Variants in BMAL1 observed in about 807,000 individuals in gnomAD.
The protein encoded by BMAL1 is basic helix-loop-helix ARNT-like protein 1.
At chr11:13,368,343 G>A in the BMAL1 span, among the ~76,000 whole-genome samples, 1 of 152,258 alleles carries the variant, frequency 6.6e-6, no homozygotes, top group Non-Finnish European at 1.5e-5. Flanking sequence ...GCCAGGTAAT[G>A]AAGGGAGGAA....
At chr11:13,362,768 C>T in the BMAL1 span, among the ~76,000 whole-genome samples, 2 of 152,152 alleles carry the variant, frequency 1.3e-5, no homozygotes, top group African/African-American at 2.4e-5. Context: ...GAGCTGCCGT[C>T]GGTGCCAGCT....
the BMAL1 span, chr11:13,366,607 G>A: frequency 1.4e-6 from 2 of 1,440,134 alleles, no homozygotes; most frequent in Non-Finnish European, 1.9e-6. Flanking sequence ...CTTACTTGTT[G>A]CATAATTGAT....
At chr11:13,311,453 T>G in the BMAL1 span, among the ~76,000 whole-genome samples, 1 of 152,110 alleles carries the variant, frequency 6.6e-6, no homozygotes, top group Non-Finnish European at 1.5e-5. Flanking sequence ...TGACAAGGTC[T>G]TTGCAGATGG....
At chr11:13,353,649 C>G in the BMAL1 span, 3 of 152,206 alleles carry the variant, frequency 2.0e-5, no homozygotes, top group African/African-American at 7.2e-5. Flanking sequence ...GAAACCCCAT[C>G]TCTACTAAAA....
At chr11:13,354,606 C>A in the BMAL1 span, 1 of 972,534 alleles carries the variant, frequency 1.0e-6, no homozygotes, top group Non-Finnish European at 1.5e-6. Flanking sequence ...GCTTTACCTT[C>A]CCCTAGTTTG....
At chr11:13,383,059 T>G in the BMAL1 span, among the ~76,000 whole-genome samples, 1 of 152,296 alleles carries the variant, frequency 6.6e-6, no homozygotes, top group Admixed American at 6.5e-5. Context: ...GAAAAGCAGC[T>G]TAAACAAGAC....
At chr11:13,325,021 G>T in the BMAL1 span, among the ~76,000 whole-genome samples, 2 of 152,338 alleles carry the variant, frequency 1.3e-5, no homozygotes, top group Non-Finnish European at 2.9e-5. Flanking sequence ...TGTGGGGATG[G>T]AGAAGAGGGG....
At chr11:13,355,310 GA>G in the BMAL1 span, 3 of 1,613,346 alleles carry the variant, frequency 1.9e-6, no homozygotes, top group African/African-American at 4.0e-5. Context: ...AGTTATCCCA[GA>G]TGATTAAGAC....
the BMAL1 span, among the ~76,000 whole-genome samples, chr11:13,333,437 T>A: frequency 6.6e-6 from 1 of 152,232 alleles, no homozygotes; most frequent in Admixed American, 6.5e-5. Context: ...CACCACCAGA[T>A]GTGGTTCTGA....
At chr11:13,290,957 TC>T in the BMAL1 span, among the ~76,000 whole-genome samples, 2 of 152,206 alleles carry the variant, frequency 1.3e-5, no homozygotes, top group African/African-American at 4.8e-5. Flanking sequence ...TCTTTTTTCT[TC>T]ATAGCTTATG....
At chr11:13,374,299 TAG>T in the BMAL1 span, 28 of 1,121,514 alleles carry the variant, frequency 2.5e-5, no homozygotes, top group Non-Finnish European at 3.0e-5. Context: ...ACTGAGGATG[TAG>T]AGTCAGCCAG....
chr11:13,370,964 T>G, the BMAL1 span, among the ~76,000 whole-genome samples: 2 of 152,230 alleles, frequency 1.3e-5, no homozygotes, highest in Non-Finnish European at 2.9e-5. Flanking sequence ...ATGAACTCCC[T>G]TCACATGGCT....
the BMAL1 span, among the ~76,000 whole-genome samples, chr11:13,310,637 A>C: frequency 3.3e-5 from 5 of 152,190 alleles, no homozygotes; most frequent in East Asian, 9.6e-4. Flanking sequence ...AAGCAGCCAT[A>C]GATAATATGG....
chr11:13,348,562 G>A, the BMAL1 span, among the ~76,000 whole-genome samples: 1 of 152,114 alleles, frequency 6.6e-6, no homozygotes. Context: ...CCCAGGGTAG[G>A]TTCTGGGTTG....
the BMAL1 span, among the ~76,000 whole-genome samples, chr11:13,340,092 A>C: frequency 6.6e-6 from 1 of 152,334 alleles, no homozygotes; most frequent in South Asian, 2.1e-4. Context: ...CAAATTACCA[A>C]TTCTTTCACT....
At chr11:13,371,281 T>C in the BMAL1 span, among the ~76,000 whole-genome samples, 5 of 152,314 alleles carry the variant, frequency 3.3e-5, no homozygotes, top group Admixed American at 1.3e-4. Context: ...TCTAGTCTGT[T>C]TTCTTTCTTC....
chr11:13,356,375 T>G, the BMAL1 span: 2 of 500,102 alleles, frequency 4.0e-6, no homozygotes, highest in East Asian at 5.7e-5. Flanking sequence ...TCCAGAATGA[T>G]GGGGGGGGAG....
the BMAL1 span, among the ~76,000 whole-genome samples, chr11:13,341,641 T>C: frequency 3.9e-5 from 6 of 152,372 alleles, no homozygotes; most frequent in East Asian, 7.7e-4. Flanking sequence ...TAGAACAAGA[T>C]GCAGATGTTT....
the BMAL1 span, among the ~76,000 whole-genome samples, chr11:13,371,185 C>T: frequency 9.8e-5 from 15 of 152,324 alleles, no homozygotes; most frequent in Admixed American, 3.3e-4. Flanking sequence ...GCAGACACTC[C>T]ATAGTGGTTT....
Sources: gnomAD v4.1 joint callset for allele counts (sites outside exome capture counted in the v4.1 genomes callset) on GRCh38, gnomAD v4.1.1 for gene constraint, MANE v1.5 for transcripts, NCBI Gene and HGNC (gene_info 2026-07-23, HGNC 2026-07-21) for gene names.